Variants in RIN3 observed in about 807,000 individuals in gnomAD.
RIN3 encodes RAB5 interacting protein 3.
In RIN3, 54 loss-of-function variants were observed where a neutral mutation model predicts 76.3. That is an observed-to-expected ratio of 0.71 (90% CI 0.57 to 0.89). RIN3 has a LOEUF of 0.89. Ranked by LOEUF, RIN3 falls within the 40% of genes least tolerant of loss-of-function variation. RIN3 has a pLI of 0.00. For missense variants in RIN3, 1,256 were observed against 1,322.1 expected, an observed-to-expected ratio of 0.95 and a Z score of 0.78; for synonymous variants, 576 against 564.0, an observed-to-expected ratio of 1.02 and a Z score of -0.30.
intron 4 of RIN3, among the ~76,000 whole-genome samples, chr14:92,639,280 A>G (rs1886895609): frequency 1.3e-5 from 2 of 152,254 alleles, no homozygotes; most frequent in African/African-American, 4.8e-5. Flanking sequence ...TGAGAGGCTC[A>G]GCAGATGATG....
chr14:92,585,659 G>C (rs939092275), intron 3 of RIN3, among the ~76,000 whole-genome samples: 1 of 152,044 alleles, frequency 6.6e-6, no homozygotes, highest in Non-Finnish European at 1.5e-5. Context: ...TGTTTTCACG[G>C]TCTCACTCTA....
intron 1 of RIN3, among the ~76,000 whole-genome samples, chr14:92,537,819 TTTTA>T (rs1897037796): frequency 4.5e-5 from 4 of 88,636 alleles, no homozygotes; most frequent in African/African-American, 1.7e-4. Context: ...GCCTGGCTAA[TTTTA>T]TTTATTTTAT....
intron 7 of RIN3, among the ~76,000 whole-genome samples, chr14:92,665,471 C>T (rs942992844): frequency 6.8e-5 from 10 of 147,294 alleles, no homozygotes; most frequent in Middle Eastern, 7.5e-3. Flanking sequence ...CTCCTCCTCC[C>T]GGGGTCACGT....
At chr14:92,569,083 G>A (rs759682739) in intron 2 of RIN3, among the ~76,000 whole-genome samples, 5 of 152,202 alleles carry the variant, frequency 3.3e-5, no homozygotes, top group African/African-American at 7.2e-5. Context: ...TTCTGCCTCC[G>A]TACTGTGGAC....
chr14:92,532,630 C>T (rs1355842808), intron 1 of RIN3, among the ~76,000 whole-genome samples: 2 of 152,156 alleles, frequency 1.3e-5, no homozygotes, highest in South Asian at 4.1e-4. Context: ...TCCCTAACGT[C>T]CCCCACTCAA....
chr14:92,613,395 T>C (rs1754087846), intron 3 of RIN3, among the ~76,000 whole-genome samples: 1 of 152,202 alleles, frequency 6.6e-6, no homozygotes, highest in Admixed American at 6.5e-5. Flanking sequence ...TGTACCACCA[T>C]CTAGTTAATA....
chr14:92,578,267 A>G (rs1238250577), intron 3 of RIN3, among the ~76,000 whole-genome samples: 1 of 151,366 alleles, frequency 6.6e-6, no homozygotes, highest in Admixed American at 6.6e-5. Flanking sequence ...AAGAAAAAAG[A>G]AGGACAAAAA....
At chr14:92,555,692 G>GT in intron 1 of RIN3, 59 bp from the exon 2 acceptor site, 2 of 1,539,052 alleles carry the variant, frequency 1.3e-6, no homozygotes, top group South Asian at 1.1e-5. Context: ...ATCCCCAGGT[G>GT]TTATAAACCT....
At chr14:92,598,917 A>C (rs1339477458) in intron 3 of RIN3, among the ~76,000 whole-genome samples, 1 of 152,134 alleles carries the variant, frequency 6.6e-6, no homozygotes, top group Admixed American at 6.5e-5. Context: ...CAGGGTAACA[A>C]CTCTGAGGGG....
At chr14:92,569,333 C>T (rs1195113526) in intron 2 of RIN3, among the ~76,000 whole-genome samples, 2 of 152,174 alleles carry the variant, frequency 1.3e-5, no homozygotes, top group East Asian at 1.9e-4. Context: ...GGGTGCTTTC[C>T]TCTGCAGCTT....
chr14:92,573,503 G>GC (rs386382179), intron 2 of RIN3, among the ~76,000 whole-genome samples: 13 of 164 alleles, frequency 0.079, no homozygotes, highest in East Asian at 0.43. Context: ...GGGGGCCGAA[G>GC]TTCCAACCCT....
chr14:92,682,691 G>A (rs892815412), intron 8 of RIN3, among the ~76,000 whole-genome samples: 1 of 152,168 alleles, frequency 6.6e-6, no homozygotes, highest in Non-Finnish European at 1.5e-5. Flanking sequence ...GCCCCACCCA[G>A]CCTTCCACTT....
chr14:92,518,747 C>A (rs908047601), intron 1 of RIN3, among the ~76,000 whole-genome samples: 3 of 149,132 alleles, frequency 2.0e-5, no homozygotes, highest in African/African-American at 5.0e-5. Flanking sequence ...GTCCCAAATG[C>A]GGGTCTCTGG....
At chr14:92,584,162 G>A (rs912098320) in intron 3 of RIN3, among the ~76,000 whole-genome samples, 1 of 152,132 alleles carries the variant, frequency 6.6e-6, no homozygotes, top group Admixed American at 6.5e-5. Flanking sequence ...GAGGGGGTGG[G>A]GGGGTCTTGA....
Position 92,688,383 on chromosome 14 carries a change from G to T in RIN3, c.*131G>T. ...TCCATGACGTGCCCAGGCCAACGTC[G>T]CAGGACAGTTGTGAAAATAACATGA... On this transcript the variant is annotated 3_prime_UTR_variant, in exon 10 of 10. Transcript: ENST00000216487. 1 of 852,604 alleles carries T rather than the reference G, an allele frequency of 1.2e-6. No homozygotes were observed. Among genetic ancestry groups the T allele is most frequent in the Non-Finnish European group, 1.8e-6 (1 of 571,358 alleles). 52.8% of individuals were successfully genotyped at this position (852,604 alleles called of 1,614,324 possible).
At position 92,560,546 on chromosome 14, in the gene RIN3, G is replaced by A. The variant is rs141899026; in HGVS notation, c.249+4591G>A. Reference sequence around the variant, plus strand: ...CGATTTCTGTCAGGTAGGCATTAGTGTGTTCCCATTTTCAGATGAGGAAAC... The same window carrying A: ...CGATTTCTGTCAGGTAGGCATTAGTATGTTCCCATTTTCAGATGAGGAAAC... On this transcript the variant is annotated intron_variant, in intron 2 of 9. Coordinates refer to ENST00000216487, the MANE Select transcript of RIN3 (RefSeq NM_024832.5). Among the ~76,000 whole-genome samples, 403 of 152,304 alleles carry A rather than the reference G, an allele frequency of 2.6e-3. 1 individual carries two copies. The highest frequency in any genetic ancestry group is 9.3e-3 in the African/African-American group (387 of 41,560).
Position 92,688,242 on chromosome 14 carries a change from A to G in RIN3, c.2948A>G (p.Asn983Ser), listed in dbSNP as rs376900228. 143 of 1,588,308 alleles carry G rather than the reference A, an allele frequency of 9.0e-5. No homozygotes were observed. The highest frequency in any genetic ancestry group is 1.2e-4 in the Non-Finnish European group (135 of 1,169,020). ...CCCTGCCTGGTGGTGCGGGAGCCCAACTTCCTGTGAGGCCCTCCCGGGGCG... is the reference window on the plus strand; with the variant it reads ...CCCTGCCTGGTGGTGCGGGAGCCCAGCTTCCTGTGAGGCCCTCCCGGGGCG... ...SPPCLVVREPNFL is the reference protein window; with the variant it reads ...SPPCLVVREPSFL The change falls in exon 10 of 10, where the codon AAC becomes AGC. Residue 983 changes from asparagine to serine, a missense_variant. This residue lies in a region of RIN3 where 218 missense variants were observed against 174.5 expected (regional missense o/e 1.25). Transcript: ENST00000216487.
chr14:92,557,015 C>G (rs1284549870), intron 2 of RIN3, among the ~76,000 whole-genome samples: 1 of 152,216 alleles, frequency 6.6e-6, no homozygotes, highest in Non-Finnish European at 1.5e-5. Flanking sequence ...CAAAGCCCTA[C>G]ACTCCCTCCC....
chr14:92,637,359 C>T (rs916662646), intron 4 of RIN3, among the ~76,000 whole-genome samples: 2 of 152,038 alleles, frequency 1.3e-5, no homozygotes, highest in East Asian at 1.9e-4. Context: ...GAGAATGGAA[C>T]GCTGCTGCTG....
Sources: allele counts gnomAD v4.1 joint callset (sites outside exome capture counted in the v4.1 genomes callset), GRCh38; gene constraint gnomAD v4.1.1; regional missense constraint gnomAD v4.1.1; transcripts MANE v1.5; gene names NCBI Gene and HGNC (gene_info 2026-07-23, HGNC 2026-07-21).